TADA3: variants seen among roughly 807,000 people sequenced by gnomAD.
TADA3 encodes the protein transcriptional adaptor 3.
TADA3 carries 25 observed loss-of-function variants against 43.2 expected under a neutral mutation model. The observed-to-expected ratio is 0.58, with a 90% CI of 0.42 to 0.81. The LOEUF is 0.81. Among genes scored for constraint, TADA3 ranks in the 30% least tolerant of loss-of-function variants. The pLI, the probability that TADA3 is intolerant of heterozygous loss-of-function variation, is 0.00. For missense variants in TADA3, 441 were observed against 567.8 expected (o/e 0.78, Z 2.27); for synonymous variants, 235 against 225.5 (o/e 1.04, Z -0.38).
upstream of TADA3, chr3:9,792,640 G>T: frequency 8.1e-7 from 1 of 1,231,168 alleles, no homozygotes; most frequent in South Asian, 4.0e-5. Flanking sequence ...CCCGGGGCGG[G>T]AGGCGGAGCT....
chr3:9,791,369 G>C lies in TADA3; in HGVS notation c.98C>G (p.Ser33Cys). The change falls in exon 2 of 9, where the codon TCT becomes TGT. Residue 33 changes from serine (S) to cysteine (C), a missense_variant. Physicochemically the swap from Ser to Cys is moderately radical, Grantham distance 112 (BLOSUM62 -1). Transcript: ENST00000301964. ...CPRYTAVLAR[S>C]EDDGIGIEEL... ...CTCGATGCCGATGCCATCATCCTCA[G>C]AGCGTGCCAGCACTGCCGTGTAGCG... The C allele has an allele frequency of 6.2e-7, 1 of 1,614,250 alleles. No individual in the cohort carries two copies. Among genetic ancestry groups the C allele is most frequent in the Non-Finnish European group, 8.5e-7 (1 of 1,180,050 alleles).
At position 9,792,334 on chromosome 3, in the gene TADA3, G is replaced by A. The variant is rs566458048; in HGVS notation, c.-146C>T. 1.9e-5 allele frequency: 5 copies of A among 263,750 alleles called. 1 individual carries two copies. In the South Asian group the frequency reaches 7.2e-4, roughly 38 times the overall value. The allele number at this position is 263,750 out of a possible 1,614,324, so 16.3% of individuals were successfully genotyped here. On this transcript the variant is annotated 5_prime_UTR_variant, in exon 1 of 9. Coordinates refer to ENST00000301964, the MANE Select transcript of TADA3 (RefSeq NM_006354.5). ...CGCCCGGGGGTCGCCCAAATGTCCC[G>A]CCTTCAGAGTCCTCGTTCTCTAGGG... is the stretch of plus-strand genomic sequence containing the variant.
intron 8 of TADA3, chr3:9,781,469 G>A (rs931408633): frequency 2.2e-6 from 1 of 451,372 alleles, no homozygotes; most frequent in Non-Finnish European, 4.5e-6. Context: ...GAGATCTGGA[G>A]CAGGCTGGGG....
At chr3:9,789,469 CTT>C (rs761324188) in intron 4 of TADA3, 38 bp downstream of exon 4, 1 of 1,583,780 alleles carries the variant, frequency 6.3e-7, no homozygotes, top group Non-Finnish European at 8.7e-7. Context: ...TCTGAACTCT[CTT>C]GTTCCGCATC....
chr3:9,780,535 T>A lies in TADA3; in HGVS notation c.1121A>T (p.Glu374Val). 1 of 1,602,238 alleles carries A rather than the reference T, an allele frequency of 6.2e-7. No individual in the cohort carries two copies. Among genetic ancestry groups the A allele is most frequent in the East Asian group, 2.2e-5 (1 of 44,818 alleles). ...KHDLLRLAKE[E>V]VSRQELRQRV... Reference sequence around the variant, plus strand: ...CTGCCTCAGCTCCTGCCGGCTCACCTCCTCCTTTGCCAGCCTGTGGGGACC... The same window carrying A: ...CTGCCTCAGCTCCTGCCGGCTCACCACCTCCTTTGCCAGCCTGTGGGGACC... Residue 374 changes from glutamate (E) to valine (V), a missense_variant, in exon 9 of 9, where the codon GAG becomes GTG. Glu to Val is a moderately radical substitution (Grantham distance 121). Transcript: ENST00000301964.
chr3:9,781,909 G>A (rs1404380868), intron 8 of TADA3, among the ~76,000 whole-genome samples: 1 of 139,740 alleles, frequency 7.2e-6, no homozygotes, highest in East Asian at 2.1e-4. Context: ...GCCTGATCAA[G>A]CTCACTGCAG....
At chr3:9,785,469 A>C (rs1483934415) in intron 6 of TADA3, 44 bp from the exon 7 acceptor site, 1 of 1,357,024 alleles carries the variant, frequency 7.4e-7, no homozygotes, top group Non-Finnish European at 1.0e-6. Flanking sequence ...TAGCTGTTCC[A>C]CTTTCCTGCT....
chr3:9,787,345 G>A lies in TADA3; in HGVS notation c.565-5C>T, dbSNP rs778382997. 6.2e-7 allele frequency: 1 copy of A among 1,604,276 alleles called. No homozygotes were observed. The highest frequency in any genetic ancestry group is 1.1e-5 in the South Asian group (1 of 89,924). On this transcript the variant is annotated splice_region_variant and splice_polypyrimidine_tract_variant and intron_variant, in intron 4 of 8. Transcript: ENST00000301964. ...GTGCTTCCCCAGGGGTGGGATCTGTGGAAAAGATGGCACCCAACCCTGAGT... is the reference window on the plus strand; with the variant it reads ...GTGCTTCCCCAGGGGTGGGATCTGTAGAAAAGATGGCACCCAACCCTGAGT...
chr3:9,790,008 C>T (rs1553709313), intron 2 of TADA3, 45 bp from the exon 3 acceptor site: 1 of 1,534,684 alleles, frequency 6.5e-7, no homozygotes. Context: ...AGGGAAAACA[C>T]AGAATATCTC....
intron 4 of TADA3, among the ~76,000 whole-genome samples, chr3:9,788,491 C>T (rs1459021912): frequency 6.6e-6 from 1 of 150,582 alleles, no homozygotes; most frequent in East Asian, 2.0e-4. Flanking sequence ...GTGATCTGCC[C>T]GCCTCGGCCT....
At chr3:9,786,520 G>C (rs1300200295) in intron 6 of TADA3, among the ~76,000 whole-genome samples, 1 of 152,120 alleles carries the variant, frequency 6.6e-6, no homozygotes. Context: ...CTGAAGCTAG[G>C]GTTTGAATCC....
intron 1 of TADA3, 55 bp from the exon 2 acceptor site, chr3:9,791,548 G>C: frequency 1.8e-6 from 2 of 1,118,762 alleles, no homozygotes; most frequent in Non-Finnish European, 2.5e-6. Context: ...AAAGCCCAAG[G>C]GCTTCTTACC....
At chr3:9,785,997 G>A (rs929877915) in intron 6 of TADA3, among the ~76,000 whole-genome samples, 1 of 151,552 alleles carries the variant, frequency 6.6e-6, no homozygotes, top group Admixed American at 6.6e-5. Flanking sequence ...GGAGTGCAGT[G>A]GCACAATTTC....
At chr3:9,792,984 T>G (rs998729107), upstream of TADA3, 6 of 1,446,766 alleles carry the variant, frequency 4.1e-6, no homozygotes, top group African/African-American at 2.9e-5. Context: ...TCGTAAGGGC[T>G]CTCTACCCCG....
At chr3:9,792,983 C>A, upstream of TADA3, 1 of 1,444,834 alleles carries the variant, frequency 6.9e-7, no homozygotes, top group South Asian at 1.4e-5. Flanking sequence ...TTCGTAAGGG[C>A]TCTCTACCCC....
At chr3:9,792,515 G>A (rs932574058), upstream of TADA3, 7 of 1,220,422 alleles carry the variant, frequency 5.7e-6, no homozygotes, top group Non-Finnish European at 7.1e-6. Flanking sequence ...GGGGCGGGGA[G>A]TCAGCGAGGG....
Position 9,792,415 on chromosome 3 carries a change from C to G in TADA3, c.-227G>C. On this transcript the variant is annotated 5_prime_UTR_variant, in exon 1 of 9. Coordinates refer to ENST00000301964, the MANE Select transcript of TADA3 (RefSeq NM_006354.5). ...CTCCTCGCTGCGGCCTCCTACGGCC[C>G]CAGGGGCCGCGGGAGGGGGCGGGGA... 9.8e-7 allele frequency: 1 copy of G among 1,015,474 alleles called. No homozygotes were observed. The highest frequency in any genetic ancestry group is 1.2e-6 in the Non-Finnish European group (1 of 830,840). The allele number at this position is 1,015,474 out of a possible 1,614,324, so 62.9% of individuals were successfully genotyped here.
At chr3:9,783,740 T>G in intron 8 of TADA3, 1 of 306,130 alleles carries the variant, frequency 3.3e-6, no homozygotes, top group Non-Finnish European at 5.9e-6. Flanking sequence ...ATCATGCCAC[T>G]GCACTCCAGC....
At chr3:9,791,159 C>T in intron 2 of TADA3, 101 bp downstream of exon 2, 1 of 1,239,268 alleles carries the variant, frequency 8.1e-7, no homozygotes, top group South Asian at 1.5e-5. Flanking sequence ...TCCCCACAAA[C>T]CCCTGTACCC....
Sources: gnomAD v4.1 joint callset for allele counts (sites outside exome capture counted in the v4.1 genomes callset) on GRCh38, gnomAD v4.1.1 for gene constraint, MANE v1.5 for transcripts, NCBI Gene and HGNC (gene_info 2026-07-23, HGNC 2026-07-21) for gene names.